Variants in OSTM1 observed in about 807,000 individuals in gnomAD.
The protein encoded by OSTM1 is osteoclastogenesis associated transmembrane protein 1, also known as osteopetrosis-associated transmembrane protein 1.
A neutral mutation model predicts 35.4 loss-of-function variants in OSTM1; 26 were observed. The ratio of observed to expected loss-of-function variants is 0.73; its 90% CI spans 0.54 to 1.02. The LOEUF is 1.02. Ranked by LOEUF, OSTM1 falls within the 50% of genes least tolerant of loss-of-function variation. OSTM1 has a pLI of 0.00. For missense variants in OSTM1, 366 were observed against 409.6 expected, an observed-to-expected ratio of 0.89 and a Z score of 0.92; for synonymous variants, 181 against 165.0, an observed-to-expected ratio of 1.10 and a Z score of -0.75.
chr6:108,067,852 T>TA (rs1464474441), intron 1 of OSTM1, among the ~76,000 whole-genome samples: 4 of 103,942 alleles, frequency 3.8e-5, no homozygotes, highest in African/African-American at 1.1e-4. Context: ...AAAAAAAAAA[T>TA]AGAGAAAGAG....
rs575198701 is a variant in OSTM1 at position 108,047,458 on chromosome 6, T to C, written c.949+1795A>G. On this transcript the variant is annotated intron_variant, in intron 5 of 5. Transcript: ENST00000193322. ...CTGGAAAGTAAGTTTGGATTTATTCTAGGTACAATGGGAACACATTAAGCA... is the reference window on the plus strand; with the variant it reads ...CTGGAAAGTAAGTTTGGATTTATTCCAGGTACAATGGGAACACATTAAGCA... Among the ~76,000 whole-genome samples the C allele has an allele frequency of 1.6e-3, 246 of 152,358 alleles. 3 individuals are homozygous for C. Among genetic ancestry groups the C allele is most frequent in the African/African-American group, 5.7e-3 (239 of 41,580 alleles).
At chr6:108,048,450 A>G (rs1772017019) in intron 5 of OSTM1, among the ~76,000 whole-genome samples, 2 of 152,194 alleles carry the variant, frequency 1.3e-5, no homozygotes, top group Non-Finnish European at 2.9e-5. Flanking sequence ...CATAGGGAGA[A>G]AGAAAGGGAA....
intron 1 of OSTM1, among the ~76,000 whole-genome samples, chr6:108,065,201 G>A (rs1049681068): frequency 2.7e-5 from 4 of 150,618 alleles, no homozygotes; most frequent in Non-Finnish European, 5.9e-5. Context: ...ATTACCTTCT[G>A]AGCAATACCA....
chr6:108,060,628 G>T (rs1021988651), intron 2 of OSTM1, among the ~76,000 whole-genome samples: 6 of 152,140 alleles, frequency 3.9e-5, no homozygotes. Context: ...GAGGCTGGAG[G>T]ATCACTTGAG....
intron 1 of OSTM1, among the ~76,000 whole-genome samples, chr6:108,070,814 T>C (rs9486796): frequency 0.41 from 60,757 of 147,978 alleles, 13,838 homozygotes; most frequent in African/African-American, 0.6. Context: ...CGCTTGAACC[T>C]GGGAGGCGAA....
chr6:108,065,909 T>C (rs908993869), intron 1 of OSTM1, among the ~76,000 whole-genome samples: 1 of 152,166 alleles, frequency 6.6e-6, no homozygotes, highest in Non-Finnish European at 1.5e-5. Context: ...TTCAGGAAGA[T>C]ATCAATGTAG....
intron 2 of OSTM1, among the ~76,000 whole-genome samples, chr6:108,055,113 TA>T (rs1772147618): frequency 6.6e-6 from 1 of 152,186 alleles, no homozygotes; most frequent in South Asian, 2.1e-4. Context: ...GAATTTTGCC[TA>T]AAATACTGAC....
chr6:108,045,938 G>C (rs1771960621), intron 5 of OSTM1, among the ~76,000 whole-genome samples: 1 of 152,050 alleles, frequency 6.6e-6, no homozygotes, highest in Non-Finnish European at 1.5e-5. Flanking sequence ...TTAAAGCTCT[G>C]CAGATAATTC....
Position 108,043,493 on chromosome 6 carries a change from T to G in OSTM1, c.*1292A>C, listed in dbSNP as rs1181734490. Reference sequence around the variant, plus strand: ...CTCTTTTTAACAAAATTCTTGTTTCTATATAGAGGAGATTTTATATTCTTA... The same window carrying G: ...CTCTTTTTAACAAAATTCTTGTTTCGATATAGAGGAGATTTTATATTCTTA... On this transcript the variant is annotated 3_prime_UTR_variant, in exon 6 of 6. Transcript: ENST00000193322. The G allele has an allele frequency of 5.3e-5, 8 of 152,228 alleles. No individual in the cohort carries two copies. Among genetic ancestry groups the G allele is most frequent in the Admixed American group, 5.2e-4 (8 of 15,282 alleles). The allele number at this position is 152,228 out of a possible 1,614,324, so 9.4% of individuals were successfully genotyped here.
At chr6:108,056,981 T>C (rs1772180748) in intron 2 of OSTM1, among the ~76,000 whole-genome samples, 1 of 152,166 alleles carries the variant, frequency 6.6e-6, no homozygotes, top group African/African-American at 2.4e-5. Flanking sequence ...ACACCTGTAA[T>C]CCCAGCATTT....
intron 1 of OSTM1, among the ~76,000 whole-genome samples, chr6:108,069,418 T>C (rs1772443126): frequency 6.6e-6 from 1 of 152,216 alleles, no homozygotes; most frequent in South Asian, 2.1e-4. Flanking sequence ...AAAAGTATAT[T>C]GAATACTCAC....
chr6:108,064,178 T>C lies in OSTM1; in HGVS notation c.517+7A>G. On this transcript the variant is annotated splice_region_variant and intron_variant, in intron 2 of 5. Coordinates refer to ENST00000193322, the MANE Select transcript of OSTM1 (RefSeq NM_014028.4). ...AACTGCAACATGAAAATGAAAGAATTACTTACTTGCACAATTTGCCTCCTG... is the reference window on the plus strand; with the variant it reads ...AACTGCAACATGAAAATGAAAGAATCACTTACTTGCACAATTTGCCTCCTG... 1 of 1,335,562 alleles carries C rather than the reference T, an allele frequency of 7.5e-7. No homozygotes were observed. 82.7% of individuals were successfully genotyped at this position (1,335,562 alleles called of 1,614,324 possible).
chr6:108,070,062 G>T (rs1772454039), intron 1 of OSTM1, among the ~76,000 whole-genome samples: 1 of 151,658 alleles, frequency 6.6e-6, no homozygotes, highest in Non-Finnish European at 1.5e-5. Context: ...TTTTGAGATG[G>T]AGTCTTGCTC....
chr6:108,051,488 A>T (rs1772072574), intron 3 of OSTM1, among the ~76,000 whole-genome samples: 1 of 152,242 alleles, frequency 6.6e-6, no homozygotes, highest in East Asian at 1.9e-4. Context: ...AAACTGCTGC[A>T]TTAGCTAATG....
At chr6:108,056,499 G>C (rs1479012802) in intron 2 of OSTM1, among the ~76,000 whole-genome samples, 2 of 152,210 alleles carry the variant, frequency 1.3e-5, no homozygotes, top group Non-Finnish European at 2.9e-5. Flanking sequence ...CAGGGATTCA[G>C]GCAGTCCCCA....
chr6:108,070,258 C>T (rs1374887681), intron 1 of OSTM1, among the ~76,000 whole-genome samples: 3 of 152,012 alleles, frequency 2.0e-5, no homozygotes, highest in African/African-American at 7.2e-5. Context: ...AGGCTGGTCT[C>T]AAACTCCTGG....
chr6:108,042,055 G>T lies in OSTM1; in HGVS notation c.*2730C>A, dbSNP rs1460128676. ...TTCCAGGAAAACATTTCATTTTATAGGGAGCATATCCCAGAAACATTAGAA... is the reference window on the plus strand; with the variant it reads ...TTCCAGGAAAACATTTCATTTTATATGGAGCATATCCCAGAAACATTAGAA... On this transcript the variant is annotated 3_prime_UTR_variant, in exon 6 of 6. Transcript: ENST00000193322. 2.6e-5 allele frequency: 4 copies of T among 151,944 alleles called. No individual in the cohort carries two copies. The highest frequency in any genetic ancestry group is 5.9e-5 in the Non-Finnish European group (4 of 67,974). The allele number at this position is 151,944 out of a possible 1,614,324, so 9.4% of individuals were successfully genotyped here.
intron 1 of OSTM1, among the ~76,000 whole-genome samples, chr6:108,072,492 G>A (rs1010772854): frequency 6.6e-6 from 1 of 151,878 alleles, no homozygotes; most frequent in Non-Finnish European, 1.5e-5. Flanking sequence ...AATTAGTTAG[G>A]TGTGGCAGTG....
Position 108,054,477 on chromosome 6 carries a change from A to G in OSTM1, c.615+13T>C. On this transcript the variant is annotated intron_variant, in intron 3 of 5. Transcript: ENST00000193322. ...AGGCAGCATTTTAATTTTAAATATTATATATAAAATACCTGAAGGTTATGT... is the reference window on the plus strand; with the variant it reads ...AGGCAGCATTTTAATTTTAAATATTGTATATAAAATACCTGAAGGTTATGT... The G allele has an allele frequency of 1.7e-6, 2 of 1,207,780 alleles. No individual in the cohort carries two copies. The highest frequency in any genetic ancestry group is 2.6e-5 in the South Asian group (2 of 77,358). 74.8% of individuals were successfully genotyped at this position (1,207,780 alleles called of 1,614,324 possible).
Sources: gnomAD v4.1 joint callset for allele counts (sites outside exome capture counted in the v4.1 genomes callset) on GRCh38, gnomAD v4.1.1 for gene constraint, MANE v1.5 for transcripts, NCBI Gene and HGNC (gene_info 2026-07-23, HGNC 2026-07-21) for gene names.